FBXL13: variants seen among roughly 807,000 people sequenced by gnomAD.
FBXL13 encodes F-box and leucine-rich repeat protein 13.
Under a neutral mutation model 83.6 loss-of-function variants are expected in FBXL13, and 67 were observed. That is an observed-to-expected ratio of 0.80 (90% CI 0.66 to 0.98). FBXL13 has a LOEUF of 0.98. Among genes scored for constraint, FBXL13 ranks in the 50% least tolerant of loss-of-function variants. The pLI is 0.00. For missense variants in FBXL13, 822 were observed against 866.5 expected, an observed-to-expected ratio of 0.95 and a Z score of 0.64; for synonymous variants, 272 against 299.5, an observed-to-expected ratio of 0.91 and a Z score of 0.95.
At chr7:103,002,004 T>TA (rs559574138) in intron 6 of FBXL13, among the ~76,000 whole-genome samples, 35 of 152,322 alleles carry the variant, frequency 2.3e-4, no homozygotes, top group Middle Eastern at 3.4e-3. Context: ...CCCTAACTAA[T>TA]ACAATAGGTA....
chr7:102,885,311 T>C (rs936213782), intron 11 of FBXL13, among the ~76,000 whole-genome samples: 7 of 152,226 alleles, frequency 4.6e-5, no homozygotes, highest in Non-Finnish European at 8.8e-5. Context: ...ACAAATTTCC[T>C]TGTGGGCTTG....
chr7:103,044,510 T>G (rs1308430542), intron 2 of FBXL13, among the ~76,000 whole-genome samples: 1 of 151,830 alleles, frequency 6.6e-6, no homozygotes, highest in Admixed American at 6.6e-5. Flanking sequence ...CTATTAGAGA[T>G]GCACACTACA....
At position 102,974,107 on chromosome 7, in the gene FBXL13, C is replaced by T. The variant is rs188478756; in HGVS notation, c.496-5990G>A. On this transcript the variant is annotated intron_variant, in intron 6 of 19. Transcript: ENST00000313221. ...GCTGCCTCATAAAAAACCTGTAAAC[C>T]TGGCCAGGTGCGGTGGCTCATGCCT... 2.0e-5 allele frequency among the ~76,000 whole-genome samples: 3 copies of T among 152,262 alleles called. No individual in the cohort carries two copies. In the East Asian group the frequency reaches 5.8e-4, roughly 29 times the overall value.
chr7:103,058,103 G>C (rs755077510), intron 1 of FBXL13, among the ~76,000 whole-genome samples: 32 of 152,098 alleles, frequency 2.1e-4, no homozygotes, highest in Non-Finnish European at 3.8e-4. Flanking sequence ...AACTAAAAAG[G>C]GTAATTTCTC....
chr7:103,022,920 T>C (rs1214262029), intron 6 of FBXL13, among the ~76,000 whole-genome samples: 3 of 152,170 alleles, frequency 2.0e-5, no homozygotes, highest in African/African-American at 7.2e-5. Flanking sequence ...TTGTGAACTA[T>C]ACATCCAACA....
At chr7:103,055,395 T>C (rs75401427) in intron 2 of FBXL13, among the ~76,000 whole-genome samples, 2,158 of 152,264 alleles carry the variant, frequency 0.014, 49 homozygotes, top group African/African-American at 0.048. Context: ...CCCTTTCCTC[T>C]TTCCCAACTT....
intron 11 of FBXL13, among the ~76,000 whole-genome samples, chr7:102,903,939 C>CTTT (rs1166655004): frequency 4.8e-3 from 207 of 43,372 alleles, no homozygotes; most frequent in East Asian, 7.9e-3. Context: ...CTTTTCTTTT[C>CTTT]TTTTTTTTTT....
rs192556967 is a variant in FBXL13 at position 102,954,518 on chromosome 7, A to T, written c.724+9015T>A. 2.0e-3 allele frequency among the ~76,000 whole-genome samples: 299 copies of T among 152,322 alleles called. 2 individuals carry two copies. The highest frequency in any genetic ancestry group is 6.9e-3 in the African/African-American group (288 of 41,572). On this transcript the variant is annotated intron_variant, in intron 8 of 19. Coordinates refer to ENST00000313221, the Ensembl canonical transcript of FBXL13. Reference sequence around the variant, plus strand: ...AAAACAAACAGCAAACATCATAACGACAGGAAAACATTCACACATCACAAT... The same window carrying T: ...AAAACAAACAGCAAACATCATAACGTCAGGAAAACATTCACACATCACAAT...
intron 16 of FBXL13, among the ~76,000 whole-genome samples, chr7:102,876,325 C>G (rs947836505): frequency 6.6e-6 from 1 of 152,124 alleles, no homozygotes; most frequent in Non-Finnish European, 1.5e-5. Context: ...CCAGCTTGGA[C>G]AGAAGACAAC....
chr7:102,911,337 G>C lies in FBXL13; in HGVS notation c.1008+1749C>G, dbSNP rs77079050. Among the ~76,000 whole-genome samples the C allele has an allele frequency of 3.7e-3, 568 of 152,334 alleles. 5 individuals are homozygous for C. The highest frequency in any genetic ancestry group is 0.013 in the African/African-American group (561 of 41,562). ...ATGGTAACTGAGAAATTGATAAGAA[G>C]AAGGAGGTAAGTCATACCATGAGGA... On this transcript the variant is annotated intron_variant, in intron 11 of 19. Transcript: ENST00000313221.
At chr7:102,996,877 T>C (rs2129485188) in intron 6 of FBXL13, among the ~76,000 whole-genome samples, 1 of 152,328 alleles carries the variant, frequency 6.6e-6, no homozygotes, top group Admixed American at 6.5e-5. Flanking sequence ...ATGACTGGCC[T>C]TGGACTGCTT....
chr7:102,897,219 A>T (rs531134166), intron 11 of FBXL13, among the ~76,000 whole-genome samples: 1 of 152,094 alleles, frequency 6.6e-6, no homozygotes, highest in South Asian at 2.1e-4. Flanking sequence ...GGTGATATAA[A>T]GCCATGAGAC....
intron 1 of FBXL13, among the ~76,000 whole-genome samples, chr7:103,060,832 T>C (rs372287386): frequency 7.2e-5 from 11 of 152,216 alleles, no homozygotes; most frequent in East Asian, 5.8e-4. Context: ...AAAACATTGT[T>C]CAAAGTCCCT....
At chr7:102,992,870 G>C (rs1267117171) in intron 6 of FBXL13, among the ~76,000 whole-genome samples, 4 of 152,162 alleles carry the variant, frequency 2.6e-5, no homozygotes, top group Non-Finnish European at 5.9e-5. Flanking sequence ...GCCTCCAAAA[G>C]TGCTGGGATT....
At chr7:102,967,739 C>G (rs1585173208) in intron 7 of FBXL13, among the ~76,000 whole-genome samples, 1 of 152,200 alleles carries the variant, frequency 6.6e-6, no homozygotes, top group Admixed American at 6.5e-5. Flanking sequence ...GAATGGAGTA[C>G]AAACTATCCA....
At chr7:102,834,086 A>AAGGAAGGGAAAG (rs1562925844) in intron 17 of FBXL13, among the ~76,000 whole-genome samples, 1 of 93,678 alleles carries the variant, frequency 1.1e-5, no homozygotes, top group African/African-American at 4.6e-5. Context: ...GGAAGGAAAG[A>AAGGAAGGGAAAG]AAAGAAAGAA....
intron 6 of FBXL13, among the ~76,000 whole-genome samples, chr7:103,012,390 A>G (rs915986219): frequency 1.3e-5 from 2 of 151,900 alleles, no homozygotes; most frequent in African/African-American, 4.8e-5. Context: ...AAAAAAAAAA[A>G]AAGGACAGCT....
chr7:102,932,622 T>C (rs1585007907), intron 8 of FBXL13, among the ~76,000 whole-genome samples: 1 of 13,736 alleles, frequency 7.3e-5, no homozygotes, highest in Middle Eastern at 0.062. Flanking sequence ...TGAGACAGGA[T>C]CTTGCTCTGT....
At chr7:102,858,059 T>A (rs570769571) in intron 16 of FBXL13, among the ~76,000 whole-genome samples, 1 of 152,084 alleles carries the variant, frequency 6.6e-6, no homozygotes, top group African/African-American at 2.4e-5. Context: ...CAAATGTTCA[T>A]CAACAGACAA....
Sources: allele counts gnomAD v4.1 joint callset (sites outside exome capture counted in the v4.1 genomes callset), GRCh38; gene constraint gnomAD v4.1.1; transcripts MANE v1.5; gene names NCBI Gene and HGNC (gene_info 2026-07-23, HGNC 2026-07-21).